SLC35D4: variants seen among roughly 807,000 people sequenced by gnomAD.
SLC35D4 encodes the protein solute carrier family 35 member D4.
chr18:23,310,260 A>G, the SLC35D4 span: 1 of 985,328 alleles, frequency 1.0e-6, no homozygotes, highest in Non-Finnish European at 1.2e-6. Flanking sequence ...ATTCTAAGAA[A>G]CCAGGTGCAT....
At chr18:23,306,757 A>T in the SLC35D4 span, among the ~76,000 whole-genome samples, 6 of 150,462 alleles carry the variant, frequency 4.0e-5, no homozygotes, top group Admixed American at 3.3e-4. Flanking sequence ...ATGGGGGGGA[A>T]AAATCTGCCA....
At chr18:23,322,155 C>A in the SLC35D4 span, among the ~76,000 whole-genome samples, 2 of 152,188 alleles carry the variant, frequency 1.3e-5, no homozygotes, top group African/African-American at 2.4e-5. Flanking sequence ...AAAGCAGGAA[C>A]CCAGACTCCA....
At chr18:23,422,820 C>A in the SLC35D4 span, among the ~76,000 whole-genome samples, 5 of 152,154 alleles carry the variant, frequency 3.3e-5, no homozygotes, top group East Asian at 1.9e-4. Context: ...CCCCTCCCCC[C>A]CCCAATGCAG....
the SLC35D4 span, chr18:23,370,165 C>A: frequency 6.6e-7 from 1 of 1,525,206 alleles, no homozygotes. Flanking sequence ...CGCCATTGCA[C>A]TCCAACAAGA....
the SLC35D4 span, among the ~76,000 whole-genome samples, chr18:23,295,636 AAGGTACT>A: frequency 1.3e-5 from 2 of 152,186 alleles, no homozygotes; most frequent in Non-Finnish European, 2.9e-5. Context: ...ACATGAATTT[AAGGTACT>A]CAAGTTCCAA....
At chr18:23,347,640 G>A in the SLC35D4 span, among the ~76,000 whole-genome samples, 1 of 152,058 alleles carries the variant, frequency 6.6e-6, no homozygotes, top group African/African-American at 2.4e-5. Context: ...ACCCAGGCTG[G>A]TCCTGAATTC....
At chr18:23,298,034 C>A in the SLC35D4 span, 1 of 1,613,812 alleles carries the variant, frequency 6.2e-7, no homozygotes, top group South Asian at 1.1e-5. Flanking sequence ...CTGAGAAAAC[C>A]AGCAAGGCCT....
At chr18:23,427,921 A>G in the SLC35D4 span, among the ~76,000 whole-genome samples, 19 of 152,320 alleles carry the variant, frequency 1.2e-4, no homozygotes, top group Admixed American at 2.6e-4. Flanking sequence ...TCGCAAGGAC[A>G]GAAAACCAAA....
the SLC35D4 span, chr18:23,370,392 A>C: frequency 1.3e-6 from 1 of 782,854 alleles, no homozygotes; most frequent in Non-Finnish European, 2.1e-6. Context: ...TTTCCCTACG[A>C]GTGTCACACC....
At chr18:23,312,386 C>CA in the SLC35D4 span, among the ~76,000 whole-genome samples, 2 of 152,158 alleles carry the variant, frequency 1.3e-5, no homozygotes, top group Non-Finnish European at 2.9e-5. Context: ...GTTTAGCAGC[C>CA]ACTCCGGTGC....
chr18:23,364,902 C>CAAA, the SLC35D4 span, among the ~76,000 whole-genome samples: 821 of 31,868 alleles, frequency 0.026, 141 homozygotes, highest in African/African-American at 0.044. Context: ...GACTCTGTCT[C>CAAA]AAAAAAAAAA....
chr18:23,328,003 AC>A, the SLC35D4 span, among the ~76,000 whole-genome samples: 1 of 152,158 alleles, frequency 6.6e-6, no homozygotes, highest in African/African-American at 2.4e-5. Context: ...AAATTCAACA[AC>A]GCTTCATGCT....
the SLC35D4 span, among the ~76,000 whole-genome samples, chr18:23,321,561 T>C: frequency 1.3e-5 from 2 of 152,122 alleles, no homozygotes; most frequent in South Asian, 2.1e-4. Flanking sequence ...GCTCAACTGA[T>C]TCTCCGTCTC....
At chr18:23,344,175 C>G in the SLC35D4 span, among the ~76,000 whole-genome samples, 1 of 152,200 alleles carries the variant, frequency 6.6e-6, no homozygotes, top group African/African-American at 2.4e-5. Context: ...AGCCACCATG[C>G]TCGGCCAATC....
chr18:23,299,536 G>C, the SLC35D4 span, among the ~76,000 whole-genome samples: 10 of 152,236 alleles, frequency 6.6e-5, no homozygotes, highest in Admixed American at 6.5e-4. Context: ...GACTGACTGA[G>C]ACATGTTCCT....
chr18:23,377,804 T>C, the SLC35D4 span: 1 of 754,828 alleles, frequency 1.3e-6, no homozygotes, highest in Non-Finnish European at 1.9e-6. Flanking sequence ...TGCTGCACTT[T>C]AGTATTTATT....
chr18:23,407,125 A>C, the SLC35D4 span, among the ~76,000 whole-genome samples: 1 of 152,216 alleles, frequency 6.6e-6, no homozygotes, highest in African/African-American at 2.4e-5. Context: ...TTTTTCTTTT[A>C]ATGTGGTCAG....
chr18:23,283,031 C>A, the SLC35D4 span, among the ~76,000 whole-genome samples: 13 of 151,668 alleles, frequency 8.6e-5, no homozygotes, highest in African/African-American at 3.2e-4. Context: ...TTGTTATACC[C>A]CCTACCTTTT....
the SLC35D4 span, among the ~76,000 whole-genome samples, chr18:23,359,383 CA>C: frequency 2.0e-3 from 189 of 92,764 alleles, no homozygotes; most frequent in Middle Eastern, 6.6e-3. Flanking sequence ...GACTCCATCT[CA>C]AAAAAAAAAA....
Sources: gnomAD v4.1 joint callset for allele counts (sites outside exome capture counted in the v4.1 genomes callset) on GRCh38, gnomAD v4.1.1 for gene constraint, MANE v1.5 for transcripts, NCBI Gene and HGNC (gene_info 2026-07-23, HGNC 2026-07-21) for gene names.